SPOCK3: variants seen among roughly 807,000 people sequenced by gnomAD.
SPOCK3 encodes testican-3.
A neutral mutation model predicts 56.6 loss-of-function variants in SPOCK3; 30 were observed. That is an observed-to-expected ratio of 0.53 (90% confidence interval 0.40 to 0.72). The LOEUF is 0.72. Ranked by LOEUF, SPOCK3 falls within the 30% of genes least tolerant of loss-of-function variation. The probability of loss-of-function intolerance (pLI) is 0.00; values close to 1 mark genes in which losing one functional copy is unlikely to be tolerated. For synonymous variants in SPOCK3, 196 were observed against 183.3 expected, an observed-to-expected ratio of 1.07 and a Z score of -0.56; for missense variants, 527 against 530.0, an observed-to-expected ratio of 0.99 and a Z score of 0.06.
At chr4:166,923,665 T>C (rs1040696225) in intron 4 of SPOCK3, among the ~76,000 whole-genome samples, 2 of 152,218 alleles carry the variant, frequency 1.3e-5, no homozygotes, top group Non-Finnish European at 2.9e-5. Flanking sequence ...TGTTCCCATC[T>C]ATGCTTTGTC....
chr4:166,754,511 G>C lies in SPOCK3; in HGVS notation c.928C>G (p.Gln310Glu). The C allele has an allele frequency of 6.2e-7, 1 of 1,611,718 alleles. No homozygotes were observed. Among genetic ancestry groups the C allele is most frequent in the African/African-American group, 1.3e-5 (1 of 74,950 alleles). Reference protein sequence around the residue: ...NEWCYCFQRQQDPPCQTELSN... With the variant: ...NEWCYCFQRQEDPPCQTELSN... Reference sequence around the variant, plus strand: ...CTGTAAGGGTCTCATCTTTTACCTTGCTGTCTCTGGAAGCAGTAGCACCAC... The same window carrying C: ...CTGTAAGGGTCTCATCTTTTACCTTCCTGTCTCTGGAAGCAGTAGCACCAC... The change falls in exon 8 of 11, where the codon CAA (glutamine) becomes GAA (glutamate). Residue 310 changes from glutamine (Q) to glutamate (E), a missense_variant. Physicochemically the swap from Gln to Glu is conservative, Grantham distance 29 (BLOSUM62 2). Transcript: ENST00000357545.
chr4:167,104,270 A>G (rs953333931), intron 2 of SPOCK3, among the ~76,000 whole-genome samples: 2 of 152,212 alleles, frequency 1.3e-5, no homozygotes, highest in Non-Finnish European at 2.9e-5. Flanking sequence ...GGAGAAATAG[A>G]GATATGTGAC....
chr4:166,898,086 G>A (rs973770499), intron 5 of SPOCK3, among the ~76,000 whole-genome samples: 1 of 152,078 alleles, frequency 6.6e-6, no homozygotes, highest in African/African-American at 2.4e-5. Context: ...TGTAGTCCCA[G>A]CTACTCAGGA....
At chr4:167,213,666 T>A (rs1252515993) in intron 2 of SPOCK3, among the ~76,000 whole-genome samples, 1 of 151,802 alleles carries the variant, frequency 6.6e-6, no homozygotes, top group Admixed American at 6.6e-5. Flanking sequence ...TTTTCCTCCA[T>A]GATCAATTTC....
At chr4:167,063,181 C>T (rs1755779391) in intron 2 of SPOCK3, among the ~76,000 whole-genome samples, 1 of 151,712 alleles carries the variant, frequency 6.6e-6, no homozygotes, top group South Asian at 2.1e-4. Context: ...AGAATCAATG[C>T]AATATATTTA....
chr4:166,971,999 A>G (rs1186143111), intron 4 of SPOCK3, among the ~76,000 whole-genome samples: 3 of 152,198 alleles, frequency 2.0e-5, no homozygotes, highest in Non-Finnish European at 4.4e-5. Context: ...TGAGAGAATT[A>G]TAACTGGATA....
chr4:166,895,235 T>G (rs1454336502), intron 5 of SPOCK3, among the ~76,000 whole-genome samples: 1 of 152,056 alleles, frequency 6.6e-6, no homozygotes, highest in Non-Finnish European at 1.5e-5. Context: ...CTTACATTTT[T>G]TATTATTTAC....
At chr4:166,773,481 A>G (rs775034262) in intron 7 of SPOCK3, among the ~76,000 whole-genome samples, 35 of 152,216 alleles carry the variant, frequency 2.3e-4, no homozygotes, top group Non-Finnish European at 3.7e-4. Flanking sequence ...CTAGAGTTTA[A>G]AGCTAGATCG....
At chr4:166,963,958 A>G (rs1038984731) in intron 4 of SPOCK3, among the ~76,000 whole-genome samples, 2 of 151,828 alleles carry the variant, frequency 1.3e-5, no homozygotes, top group Admixed American at 6.6e-5. Context: ...CTCAGGATGC[A>G]AAGATTAAAC....
intron 4 of SPOCK3, among the ~76,000 whole-genome samples, chr4:166,980,547 G>C (rs908278140): frequency 6.6e-6 from 1 of 152,208 alleles, no homozygotes; most frequent in Admixed American, 6.5e-5. Flanking sequence ...CATGCTAGCA[G>C]CCAAGATCCC....
intron 6 of SPOCK3, among the ~76,000 whole-genome samples, chr4:166,839,106 A>C (rs1415868175): frequency 3.3e-5 from 5 of 152,136 alleles, no homozygotes; most frequent in African/African-American, 1.2e-4. Flanking sequence ...CATTTGGGGT[A>C]CTAATTTGTA....
chr4:167,155,975 TTAAAG>T (rs1324260479), intron 2 of SPOCK3, among the ~76,000 whole-genome samples: 2 of 152,030 alleles, frequency 1.3e-5, no homozygotes, highest in African/African-American at 2.4e-5. Context: ...ATCTGAGAAC[TTAAAG>T]TAAAATTTAA....
intron 2 of SPOCK3, among the ~76,000 whole-genome samples, chr4:167,118,236 C>T (rs1011043502): frequency 6.6e-5 from 10 of 152,002 alleles, no homozygotes; most frequent in African/African-American, 9.7e-5. Context: ...AACCTAGATC[C>T]GGAAGTAATT....
At chr4:167,015,183 GT>G (rs1750500566) in intron 3 of SPOCK3, among the ~76,000 whole-genome samples, 2 of 151,918 alleles carry the variant, frequency 1.3e-5, no homozygotes, top group Admixed American at 6.6e-5. Flanking sequence ...AAAAAACCAA[GT>G]TATGACATGA....
At chr4:167,166,727 CT>C (rs1360022643) in intron 2 of SPOCK3, among the ~76,000 whole-genome samples, 6 of 152,034 alleles carry the variant, frequency 3.9e-5, no homozygotes, top group Non-Finnish European at 8.8e-5. Context: ...GAGAATAGCA[CT>C]TTACATATTT....
chr4:166,845,641 C>A (rs1354024683), intron 6 of SPOCK3, among the ~76,000 whole-genome samples: 1 of 152,142 alleles, frequency 6.6e-6, no homozygotes, highest in Non-Finnish European at 1.5e-5. Flanking sequence ...TTGCAAATGG[C>A]CAGAACATCT....
chr4:166,934,109 TATAAC>T (rs1561025883), intron 4 of SPOCK3, among the ~76,000 whole-genome samples: 3 of 151,976 alleles, frequency 2.0e-5, no homozygotes, highest in Non-Finnish European at 4.4e-5. Flanking sequence ...ATATGAGCCA[TATAAC>T]AAAATACAAA....
chr4:166,930,930 G>C (rs1739670356), intron 4 of SPOCK3, among the ~76,000 whole-genome samples: 1 of 152,018 alleles, frequency 6.6e-6, no homozygotes, highest in South Asian at 2.1e-4. Context: ...CTATTTTAGG[G>C]GTTTCATTAA....
At chr4:166,969,792 C>A (rs1422845171) in intron 4 of SPOCK3, among the ~76,000 whole-genome samples, 1 of 152,126 alleles carries the variant, frequency 6.6e-6, no homozygotes, top group East Asian at 1.9e-4. Flanking sequence ...AATCCAATAC[C>A]AGTCATTCCA....
Sources: gnomAD v4.1 joint callset for allele counts (sites outside exome capture counted in the v4.1 genomes callset) on GRCh38, gnomAD v4.1.1 for gene constraint, MANE v1.5 for transcripts, NCBI Gene and HGNC (gene_info 2026-07-23, HGNC 2026-07-21) for gene names.